The following P2RY2 variants were observed in gnomAD, a reference collection of about 807,000 sequenced individuals.
The protein encoded by P2RY2 is purinergic receptor P2Y2.
For missense variants in P2RY2, 567 were observed against 515.7 expected (o/e 1.10, Z -0.96); for synonymous variants, 241 against 231.9 (o/e 1.04, Z -0.35).
At chr11:73,222,206 C>T (rs1862138281) in intron 1 of P2RY2, among the ~76,000 whole-genome samples, 1 of 152,142 alleles carries the variant, frequency 6.6e-6, no homozygotes, top group Non-Finnish European at 1.5e-5. Context: ...TGGCCTCTCC[C>T]TCCCCAGGTC....
In P2RY2 at chr11:73,241,927, TAC is replaced by T. The variant is rs1305542559; in HGVS notation, c.*6635_*6636del. On this transcript the variant is annotated 3_prime_UTR_variant, in exon 3 of 3. Transcript: ENST00000393597. ...TCTTTCCTGCTGGGACTCTGACTGA[TAC>T]CCTGGTCTCCCTGAGTGATTTTCCT... The T allele has an allele frequency of 6.6e-6, 1 of 152,308 alleles. No individual in the cohort carries two copies. The highest frequency in any genetic ancestry group is 2.4e-5 in the African/African-American group (1 of 41,438). 9.4% of individuals were successfully genotyped at this position (152,308 alleles called of 1,614,324 possible).
At position 73,237,401 on chromosome 11, in the gene P2RY2, C is replaced by T. The variant is rs1862680181; in HGVS notation, c.*2108C>T. 6.6e-6 allele frequency among the ~76,000 whole-genome samples: 1 copy of T among 152,134 alleles called. No individual in the cohort carries two copies. Among genetic ancestry groups the T allele is most frequent in the African/African-American group, 2.4e-5 (1 of 41,426 alleles). ...TAGCTGGGATTACAGGTATGCGCCA[C>T]CACACCTGGCTAATTTTTGTATTTT... On this transcript the variant is annotated 3_prime_UTR_variant, in exon 3 of 3. Transcript: ENST00000393597.
At chr11:73,220,434 A>G (rs192186116) in intron 1 of P2RY2, among the ~76,000 whole-genome samples, 42 of 152,280 alleles carry the variant, frequency 2.8e-4, no homozygotes, top group Non-Finnish European at 4.7e-4. Context: ...CAACACTAGA[A>G]CTGTCCCAGG....
chr11:73,234,020 A>G, intron 2 of P2RY2, 136 bp from the exon 3 acceptor site: 1 of 1,004,008 alleles, frequency 1.0e-6, no homozygotes, highest in Non-Finnish European at 1.4e-6. Flanking sequence ...TGCATTCTCA[A>G]GGTTCCAGAG....
intron 1 of P2RY2, among the ~76,000 whole-genome samples, chr11:73,223,775 G>T (rs1409545280): frequency 6.6e-6 from 1 of 152,222 alleles, no homozygotes; most frequent in Non-Finnish European, 1.5e-5. Context: ...CTGTAGCCCT[G>T]TTCTGGGCTA....
Position 73,234,613 on chromosome 11 carries a change from C to T in P2RY2, c.454C>T (p.Arg152Trp), listed in dbSNP as rs757688695. 4 of 1,565,646 alleles carry T rather than the reference C, an allele frequency of 2.6e-6. No individual in the cohort carries two copies. The highest frequency in any genetic ancestry group is 2.7e-5 in the African/African-American group (2 of 73,848). Residue 152 changes from arginine (R) to tryptophan (W), a missense_variant, in exon 3 of 3, where the codon CGG (arginine) becomes TGG (tryptophan). By Grantham distance (101) the Arg-to-Trp change is moderately radical (BLOSUM62 -3). Coordinates refer to ENST00000393597, the MANE Select transcript of P2RY2 (RefSeq NM_002564.4). ...CTGGGGCCGGGCCCGCTACGCTCGC[C>T]GGGTGGCCGGGGCCGTGTGGGTGTT... ...LRWGRARYAR[R>W]VAGAVWVLVL... is the part of the protein sequence containing the mutation.
At chr11:73,228,781 G>A (rs548970077) in intron 2 of P2RY2, among the ~76,000 whole-genome samples, 2 of 152,286 alleles carry the variant, frequency 1.3e-5, no homozygotes, top group South Asian at 2.1e-4. Flanking sequence ...TTTTGTCCTT[G>A]AGAGGCCCTC....
At chr11:73,230,957 G>A (rs1862437640) in intron 2 of P2RY2, among the ~76,000 whole-genome samples, 1 of 152,214 alleles carries the variant, frequency 6.6e-6, no homozygotes, top group East Asian at 1.9e-4. Context: ...GGAAGCCAGT[G>A]CAGTGGTTCC....
At position 73,224,611 on chromosome 11, in the gene P2RY2, C is replaced by T. The variant is rs73536992; in HGVS notation, c.-199-3370C>T. On this transcript the variant is annotated intron_variant, in intron 1 of 2. Coordinates refer to ENST00000393597, the MANE Select transcript of P2RY2 (RefSeq NM_002564.4). Reference sequence around the variant, plus strand: ...TGCCCAGCAGTGGGCATAGATGTGGCAACCTTTGTGAAGGGTGAGCGAGTG... The same window carrying T: ...TGCCCAGCAGTGGGCATAGATGTGGTAACCTTTGTGAAGGGTGAGCGAGTG... 5.5e-3 allele frequency among the ~76,000 whole-genome samples: 836 copies of T among 152,328 alleles called. 6 individuals are homozygous for T. The highest frequency in any genetic ancestry group is 0.019 in the African/African-American group (807 of 41,570).
In P2RY2 at chr11:73,234,457, C is replaced by T. The variant is rs528655098; in HGVS notation, c.298C>T (p.Pro100Ser). The change falls in exon 3 of 3, where the codon CCC (proline) becomes TCC (serine). Residue 100 changes from proline to serine, a missense_variant. Physicochemically the swap from Pro to Ser is moderately conservative, Grantham distance 74. Coordinates refer to ENST00000393597, the MANE Select transcript of P2RY2 (RefSeq NM_002564.4). ...VYYYARGDHW[P>S]FSTVLCKLVR... is the part of the protein sequence containing the mutation. The stretch of plus-strand genomic sequence containing the variant: ...TTACTACGCCCGCGGCGACCACTGG[C>T]CCTTCAGCACGGTGCTCTGCAAGCT... 1.0e-4 allele frequency: 165 copies of T among 1,614,160 alleles called. 3 individuals carry two copies. In the South Asian group the frequency reaches 1.2e-3, roughly 12 times the overall value.
In P2RY2 at chr11:73,231,571, A is replaced by G. The variant is rs1480825744; in HGVS notation, c.-4-2585A>G. 4.6e-5 allele frequency among the ~76,000 whole-genome samples: 7 copies of G among 151,730 alleles called. No individual in the cohort carries two copies. In the South Asian group the frequency reaches 6.2e-4, roughly 14 times the overall value. On this transcript the variant is annotated intron_variant, in intron 2 of 2. Transcript: ENST00000393597. ...GAATCTGTCTCAAAAAGAAAAAAAA[A>G]AAAGAAAGAAAAAAAGAAGGGAAAT...
intron 1 of P2RY2, among the ~76,000 whole-genome samples, chr11:73,223,242 T>C (rs903604115): frequency 6.6e-6 from 1 of 152,158 alleles, no homozygotes; most frequent in Non-Finnish European, 1.5e-5. Context: ...GATGCTTTCA[T>C]CCCCCTTTCC....
chr11:73,231,896 A>G (rs1862470845), intron 2 of P2RY2, among the ~76,000 whole-genome samples: 1 of 152,028 alleles, frequency 6.6e-6, no homozygotes, highest in Non-Finnish European at 1.5e-5. Context: ...CTAAAAATAT[A>G]AAAATTAGCC....
chr11:73,222,815 C>G (rs1285772556), intron 1 of P2RY2, among the ~76,000 whole-genome samples: 1 of 152,194 alleles, frequency 6.6e-6, no homozygotes, highest in Non-Finnish European at 1.5e-5. Flanking sequence ...CTCCATAACC[C>G]CTGGGCTTGC....
intron 1 of P2RY2, among the ~76,000 whole-genome samples, chr11:73,226,482 A>G (rs1163941198): frequency 2.0e-5 from 3 of 152,046 alleles, no homozygotes; most frequent in Non-Finnish European, 4.4e-5. Context: ...GCAGTGGCCC[A>G]GAGGCATTTC....
Position 73,236,553 on chromosome 11 carries a change from A to G in P2RY2, c.*1260A>G. ...CACAGGATGCATCCCAGGCAAAGACATGGGGCAAGAGGGCAGGGTGTGCAT... is the reference window on the plus strand; with the variant it reads ...CACAGGATGCATCCCAGGCAAAGACGTGGGGCAAGAGGGCAGGGTGTGCAT... On this transcript the variant is annotated 3_prime_UTR_variant, in exon 3 of 3. Coordinates refer to ENST00000393597, the MANE Select transcript of P2RY2 (RefSeq NM_002564.4). 2.0e-6 allele frequency: 2 copies of G among 985,104 alleles called. No individual in the cohort carries two copies. Among genetic ancestry groups the G allele is most frequent in the Non-Finnish European group, 2.4e-6 (2 of 829,670 alleles). 61.0% of individuals were successfully genotyped at this position (985,104 alleles called of 1,614,324 possible). A position where few individuals can be genotyped will look rare whatever the true frequency, so the allele number is the denominator to read the frequency against.
In P2RY2 at chr11:73,234,341, G is replaced by A. The variant is rs760674874; in HGVS notation, c.182G>A (p.Arg61His). ...GTGGCGCTCTACATCTTCTTGTGCC[G>A]CCTCAAGACCTGGAATGCGTCCACC... The part of the protein sequence containing the change: ...NAVALYIFLC[R>H]LKTWNASTTY... The change falls in exon 3 of 3, where the codon CGC (arginine) becomes CAC (histidine). Residue 61 changes from arginine (R) to histidine (H), a missense_variant. Physicochemically the swap from Arg to His is conservative, Grantham distance 29. Transcript: ENST00000393597. 4.3e-6 allele frequency: 7 copies of A among 1,614,178 alleles called. No homozygotes were observed. Among genetic ancestry groups the A allele is most frequent in the South Asian group, 1.1e-5 (1 of 91,088 alleles).
intron 1 of P2RY2, among the ~76,000 whole-genome samples, chr11:73,221,293 G>T (rs906114926): frequency 1.3e-5 from 2 of 152,120 alleles, no homozygotes; most frequent in African/African-American, 2.4e-5. Flanking sequence ...GGGAGGAATT[G>T]TATCTCCATT....
In P2RY2 at chr11:73,237,943, C is replaced by A. The variant is rs1862693096; in HGVS notation, c.*2650C>A. Among the ~76,000 whole-genome samples the A allele has an allele frequency of 6.6e-6, 1 of 152,238 alleles. No individual in the cohort carries two copies. Among genetic ancestry groups the A allele is most frequent in the Non-Finnish European group, 1.5e-5 (1 of 68,034 alleles). ...TCCTATTACCCTCCAATATTCCCTG[C>A]CCCCTTCACACCTCCCTAACCTGAC... is the stretch of plus-strand genomic sequence containing the variant. On this transcript the variant is annotated 3_prime_UTR_variant, in exon 3 of 3. Transcript: ENST00000393597.
Sources: gnomAD v4.1 joint callset for allele counts (sites outside exome capture counted in the v4.1 genomes callset) on GRCh38, gnomAD v4.1.1 for gene constraint, MANE v1.5 for transcripts, NCBI Gene and HGNC (gene_info 2026-07-23, HGNC 2026-07-21) for gene names.